XPNPEP1: variants seen among roughly 807,000 people sequenced by gnomAD.
The protein encoded by XPNPEP1 is X-prolyl aminopeptidase 1, also known as xaa-Pro aminopeptidase 1.
XPNPEP1 carries 39 observed loss-of-function variants against 92.4 expected under a neutral mutation model. The ratio of observed to expected loss-of-function variants is 0.42; its 90% CI spans 0.33 to 0.55. The LOEUF (loss-of-function observed/expected upper bound fraction) is 0.55, where lower values mean the gene tolerates loss of function less well. XPNPEP1 is among the 20% of genes least tolerant of loss of function. The pLI is 0.08. For synonymous variants in XPNPEP1, 307 were observed against 299.4 expected, an observed-to-expected ratio of 1.03 and a Z score of -0.26; for missense variants, 654 against 856.1, an observed-to-expected ratio of 0.76 and a Z score of 2.95.
chr10:109,917,174 T>C (rs1850239234), intron 1 of XPNPEP1, among the ~76,000 whole-genome samples: 2 of 151,996 alleles, frequency 1.3e-5, no homozygotes, highest in Non-Finnish European at 2.9e-5. Context: ...GCATCCAGTT[T>C]AGAAAAGAAG....
Position 109,907,724 on chromosome 10 carries a change from C to T in XPNPEP1, c.213G>A (p.Gln71=), listed in dbSNP as rs765979069. 2.5e-6 allele frequency: 4 copies of T among 1,614,218 alleles called. No homozygotes were observed. Among genetic ancestry groups the T allele is most frequent in the Non-Finnish European group, 3.4e-6 (4 of 1,180,044 alleles). Residue 71 remains glutamine (Q), a synonymous_variant, in exon 3 of 21, where the codon CAG becomes CAA. Transcript: ENST00000502935. ...RNSEYVTEPI[Q]AYIIPSGDAH... ...CATCTCCCGATGGGATGATGTAGGC[C>T]TGGATCGGTTCGGTCACATACTCAG...
intron 15 of XPNPEP1, 103 bp from the exon 16 acceptor site, chr10:109,873,530 G>T: frequency 7.2e-7 from 1 of 1,386,812 alleles, no homozygotes; most frequent in Non-Finnish European, 1.0e-6. Flanking sequence ...TACAATGCTG[G>T]TGGGCATGTA....
rs1848386135 is a variant in XPNPEP1 at position 109,886,312 on chromosome 10, G to C, written c.682C>G (p.Leu228Val). ...GISWKDKVAD[L>V]RLKMAERNVM... ...TTCCTCTCAGCCATTTTCAACCGAA[G>C]GTCTGCAACCTTGTCCTTCCAGGAG... The change falls in exon 8 of 21, where the codon CTT (leucine) becomes GTT (valine). Residue 228 changes from leucine (L) to valine (V), a missense_variant. Physicochemically the swap from Leu to Val is conservative, Grantham distance 32 (BLOSUM62 1). Coordinates refer to ENST00000502935, the MANE Select transcript of XPNPEP1 (RefSeq NM_020383.4). 1.1e-5 allele frequency: 18 copies of C among 1,614,174 alleles called. No homozygotes were observed. The highest frequency in any genetic ancestry group is 1.7e-5 in the Admixed American group (1 of 60,034).
intron 3 of XPNPEP1, among the ~76,000 whole-genome samples, chr10:109,896,433 CTT>C (rs11419765): frequency 4.1e-5 from 5 of 121,776 alleles, no homozygotes; most frequent in South Asian, 2.8e-4. Flanking sequence ...AGGCACACAC[CTT>C]TTTTTTTTTT....
chr10:109,877,630 G>T, intron 14 of XPNPEP1, 160 bp downstream of exon 14: 1 of 916,008 alleles, frequency 1.1e-6, no homozygotes, highest in Non-Finnish European at 1.6e-6. Flanking sequence ...GGGATTGGGA[G>T]AAAATAAAAT....
chr10:109,877,609 G>T, intron 14 of XPNPEP1, 181 bp downstream of exon 14: 1 of 749,194 alleles, frequency 1.3e-6, no homozygotes, highest in Non-Finnish European at 2.1e-6. Context: ...CTCCCAAAAG[G>T]CAGAGGCTTG....
intron 2 of XPNPEP1, among the ~76,000 whole-genome samples, chr10:109,910,971 T>G (rs2133545626): frequency 6.6e-6 from 1 of 152,368 alleles, no homozygotes; most frequent in Non-Finnish European, 1.5e-5. Context: ...TTGGATCTTT[T>G]TCTTTAACAT....
intron 14 of XPNPEP1, 48 bp downstream of exon 14, chr10:109,877,742 T>C (rs202074785): frequency 4.1e-5 from 66 of 1,611,894 alleles, no homozygotes; most frequent in Non-Finnish European, 5.3e-5. Context: ...CTCAGGCTCC[T>C]GTGCAGAAGC....
Position 109,869,993 on chromosome 10 carries a change from C to T in XPNPEP1, c.1733G>A (p.Arg578His), listed in dbSNP as rs1847362780. 6.2e-7 allele frequency: 1 copy of T among 1,614,104 alleles called. No homozygotes were observed. Among genetic ancestry groups the T allele is most frequent in the East Asian group, 2.2e-5 (1 of 44,882 alleles). Residue 578 changes from arginine to histidine, a missense_variant, in exon 19 of 21, where the codon CGC becomes CAC. Physicochemically the swap from Arg to His is conservative, Grantham distance 29 (BLOSUM62 0). Transcript: ENST00000502935. ...GYYEDGAFGI[R>H]IENVVLVVPV... ...AACCACAAGGACAACATTCTCAATG[C>T]GAATTCCAAAAGCCCCATCTTCATA... is the stretch of plus-strand genomic sequence containing the variant.
chr10:109,882,496 G>C lies in XPNPEP1; in HGVS notation c.977C>G (p.Ser326Cys). The C allele has an allele frequency of 6.2e-7, 1 of 1,614,208 alleles. No homozygotes were observed. Among genetic ancestry groups the C allele is most frequent in the African/African-American group, 1.3e-5 (1 of 75,072 alleles). Residue 326 changes from serine (S) to cysteine (C), a missense_variant, in exon 10 of 21, where the codon TCC (serine) becomes TGC (cysteine). Transcript: ENST00000502935. ...ACTGACCCACACCTTCTCCCTTGGG[G>C]AGAGGTCAGCACACAGGGCCTTGAG... Reference protein sequence around the residue: ...SELKALCADLSPREKVWVSDK... With the variant: ...SELKALCADLCPREKVWVSDK...
At chr10:109,866,927 G>A (rs1378038402) in intron 20 of XPNPEP1, among the ~76,000 whole-genome samples, 1 of 152,226 alleles carries the variant, frequency 6.6e-6, no homozygotes, top group East Asian at 1.9e-4. Flanking sequence ...CACGGGAGTA[G>A]ACTGATTCTC....
intron 3 of XPNPEP1, among the ~76,000 whole-genome samples, chr10:109,900,698 A>G (rs1424215156): frequency 6.6e-6 from 1 of 152,112 alleles, no homozygotes; most frequent in African/African-American, 2.4e-5. Flanking sequence ...AGGTTTCTCA[A>G]TTCCCAGAGT....
intron 2 of XPNPEP1, among the ~76,000 whole-genome samples, chr10:109,912,884 A>T (rs889377091): frequency 6.6e-6 from 1 of 152,252 alleles, no homozygotes; most frequent in Non-Finnish European, 1.5e-5. Flanking sequence ...AATCAAATTC[A>T]CAACATTGGA....
chr10:109,881,611 G>A (rs1848103694), intron 10 of XPNPEP1, among the ~76,000 whole-genome samples: 1 of 152,186 alleles, frequency 6.6e-6, no homozygotes, highest in African/African-American at 2.4e-5. Context: ...GGGGTACAAT[G>A]GCAAGCCAGA....
intron 9 of XPNPEP1, 61 bp from the exon 10 acceptor site, chr10:109,882,703 CA>C: frequency 6.5e-7 from 1 of 1,548,420 alleles, no homozygotes; most frequent in Non-Finnish European, 8.9e-7. Flanking sequence ...GAGGTGGCAA[CA>C]CAGACACACA....
At chr10:109,894,090 G>C (rs924048896) in intron 3 of XPNPEP1, 3 of 152,278 alleles carry the variant, frequency 2.0e-5, no homozygotes, top group Non-Finnish European at 4.4e-5. Context: ...CAGTTACCAG[G>C]ATTCTCCCAA....
intron 5 of XPNPEP1, among the ~76,000 whole-genome samples, chr10:109,889,956 T>C (rs1424997643): frequency 6.6e-6 from 1 of 152,204 alleles, no homozygotes; most frequent in Non-Finnish European, 1.5e-5. Context: ...AAGCCACTTA[T>C]TAATACAGTT....
chr10:109,903,045 C>CA (rs1564782973), intron 3 of XPNPEP1, among the ~76,000 whole-genome samples: 2 of 152,110 alleles, frequency 1.3e-5, no homozygotes, highest in Non-Finnish European at 2.9e-5. Flanking sequence ...ACCAAACAAA[C>CA]AAAAAAAGCT....
rs1848260154 is a variant in XPNPEP1, at chr10:109,884,150, T to C, written c.749-2A>G. 2 of 1,613,402 alleles carry C rather than the reference T, an allele frequency of 1.2e-6. No individual in the cohort carries two copies. The highest frequency in any genetic ancestry group is 1.7e-6 in the Non-Finnish European group (2 of 1,179,708). ...CTGATCCTCGGAGATTAAATAGCCC[T>C]AGAAAAGAAATCAAAATCCCTGTCA... On this transcript the variant is annotated splice_acceptor_variant, in intron 8 of 20. Coordinates refer to ENST00000502935, the MANE Select transcript of XPNPEP1 (RefSeq NM_020383.4). LOFTEE classifies it high-confidence loss of function.
Sources: gnomAD v4.1 joint callset for allele counts (sites outside exome capture counted in the v4.1 genomes callset) on GRCh38, gnomAD v4.1.1 for gene constraint, MANE v1.5 for transcripts, NCBI Gene and HGNC (gene_info 2026-07-23, HGNC 2026-07-21) for gene names.